The following CSMD1 variants were observed in gnomAD, a reference collection of about 807,000 sequenced individuals.
CSMD1 encodes CUB and sushi domain-containing protein 1.
Under a neutral mutation model 417.5 loss-of-function variants are expected in CSMD1, and 213 were observed. That is an observed-to-expected ratio of 0.51 (90% CI 0.46 to 0.57). CSMD1 has a LOEUF of 0.57. Among genes scored for constraint, CSMD1 ranks in the 20% least tolerant of loss-of-function variants. CSMD1 has a pLI of 0.00. For missense variants in CSMD1, 6,923 were observed against 4,529.7 expected, an observed-to-expected ratio of 1.53 and a Z score of -15.17; for synonymous variants, 2,862 against 1,736.8, an observed-to-expected ratio of 1.65 and a Z score of -16.11.
At chr8:3,247,095 A>G (rs1385126368) in intron 26 of CSMD1, among the ~76,000 whole-genome samples, 1 of 152,198 alleles carries the variant, frequency 6.6e-6, no homozygotes, top group South Asian at 2.1e-4. Context: ...AAATATGGTG[A>G]GAAGCTGCCT....
intron 1 of CSMD1, among the ~76,000 whole-genome samples, chr8:4,640,814 G>C (rs1803142338): frequency 7.0e-6 from 1 of 143,490 alleles, no homozygotes; most frequent in Non-Finnish European, 1.5e-5. Context: ...TAATGTTTTA[G>C]TTAAAATTAA....
chr8:4,163,542 C>T (rs1203580833), intron 3 of CSMD1, among the ~76,000 whole-genome samples: 5 of 152,128 alleles, frequency 3.3e-5, no homozygotes, highest in Admixed American at 1.3e-4. Context: ...TTAGGTAAAG[C>T]TACAGCATCA....
chr8:3,896,447 C>A (rs1807371483), intron 5 of CSMD1, among the ~76,000 whole-genome samples: 1 of 152,078 alleles, frequency 6.6e-6, no homozygotes, highest in South Asian at 2.1e-4. Flanking sequence ...ACGTTGAACA[C>A]TTGGGAGAGA....
At position 4,569,699 on chromosome 8, in the gene CSMD1, G is replaced by T. The variant is rs186289436; in HGVS notation, c.302+67643C>A. Among the ~76,000 whole-genome samples, 5 of 152,226 alleles carry T rather than the reference G, an allele frequency of 3.3e-5. No homozygotes were observed. The East Asian group carries it at 9.7e-4, about 29-fold the overall frequency. On this transcript the variant is annotated intron_variant, in intron 2 of 69. Coordinates refer to ENST00000635120, the MANE Select transcript of CSMD1 (RefSeq NM_033225.6). Reference sequence around the variant, plus strand: ...AACAAAGTCAATGGTAGCTTGATGGGAATAGCATTGAATCTATATATTACT... The same window carrying T: ...AACAAAGTCAATGGTAGCTTGATGGTAATAGCATTGAATCTATATATTACT...
At chr8:3,624,802 C>T (rs893527810) in intron 7 of CSMD1, among the ~76,000 whole-genome samples, 1 of 152,162 alleles carries the variant, frequency 6.6e-6, no homozygotes, top group Non-Finnish European at 1.5e-5. Context: ...CTTTTTACTT[C>T]AGCATTTTGT....
intron 3 of CSMD1, among the ~76,000 whole-genome samples, chr8:4,308,421 GA>G (rs35876460): frequency 0.13 from 20,408 of 152,002 alleles, 2,289 homozygotes; most frequent in African/African-American, 0.31. Flanking sequence ...GTGTTATGTG[GA>G]AAGTCTGATG....
chr8:4,279,516 A>G (rs1033319446), intron 3 of CSMD1, among the ~76,000 whole-genome samples: 2 of 152,172 alleles, frequency 1.3e-5, no homozygotes, highest in African/African-American at 4.8e-5. Context: ...CTCAATGTCA[A>G]TACAGTGTGG....
intron 2 of CSMD1, among the ~76,000 whole-genome samples, chr8:4,510,235 C>T (rs1442955392): frequency 1.3e-5 from 2 of 151,870 alleles, no homozygotes; most frequent in Non-Finnish European, 2.9e-5. Context: ...AACTGTGAGT[C>T]AATTAAACCT....
intron 5 of CSMD1, among the ~76,000 whole-genome samples, chr8:3,911,843 CAA>C (rs2129139655): frequency 6.6e-6 from 1 of 152,264 alleles, no homozygotes; most frequent in South Asian, 2.1e-4. Flanking sequence ...CTGCCACAAA[CAA>C]AAGATTCTCC....
intron 21 of CSMD1, among the ~76,000 whole-genome samples, chr8:3,352,318 G>T (rs2584225): frequency 6.6e-6 from 1 of 152,166 alleles, no homozygotes; most frequent in South Asian, 2.1e-4. Context: ...CCCTAAAACA[G>T]TTGAATTTTA....
intron 3 of CSMD1, among the ~76,000 whole-genome samples, chr8:4,207,216 T>C (rs1563273542): frequency 6.6e-6 from 1 of 152,194 alleles, no homozygotes. Flanking sequence ...ATGTGAAAAG[T>C]TGTATAACAT....
chr8:4,326,603 G>A (rs978900619), intron 3 of CSMD1, among the ~76,000 whole-genome samples: 1 of 152,180 alleles, frequency 6.6e-6, no homozygotes, highest in Non-Finnish European at 1.5e-5. Flanking sequence ...CTCCTACGGA[G>A]AAAACAGTAA....
At chr8:3,310,659 C>G (rs1805261667) in intron 23 of CSMD1, among the ~76,000 whole-genome samples, 1 of 152,158 alleles carries the variant, frequency 6.6e-6, no homozygotes, top group African/African-American at 2.4e-5. Context: ...ATCAGTACCA[C>G]TGGAACAGGA....
At chr8:3,211,104 A>T (rs1299578013) in intron 30 of CSMD1, among the ~76,000 whole-genome samples, 1 of 152,094 alleles carries the variant, frequency 6.6e-6, no homozygotes, top group African/African-American at 2.4e-5. Flanking sequence ...GAGTGCAGTG[A>T]TCCAGTCACG....
At chr8:4,338,116 T>C (rs1026061688) in intron 3 of CSMD1, among the ~76,000 whole-genome samples, 4 of 152,136 alleles carry the variant, frequency 2.6e-5, no homozygotes, top group African/African-American at 7.2e-5. Context: ...GTACAATTAA[T>C]TTGAGAATTA....
intron 4 of CSMD1, among the ~76,000 whole-genome samples, chr8:4,029,507 T>C (rs533990904): frequency 1.9e-4 from 29 of 152,248 alleles, no homozygotes; most frequent in Admixed American, 1.6e-3. Context: ...GAGAGACTTA[T>C]TCACTATCAC....
At chr8:4,204,633 G>A (rs972423103) in intron 3 of CSMD1, among the ~76,000 whole-genome samples, 1 of 152,084 alleles carries the variant, frequency 6.6e-6, no homozygotes, top group Non-Finnish European at 1.5e-5. Flanking sequence ...TAGGCAACAA[G>A]CCTAAATTAT....
chr8:3,395,614 T>A (rs143285773), intron 17 of CSMD1, among the ~76,000 whole-genome samples: 22 of 152,360 alleles, frequency 1.4e-4, no homozygotes, highest in African/African-American at 5.3e-4. Context: ...GACAATTGTT[T>A]TAAAATATGT....
chr8:4,855,062 G>A (rs1299609517), intron 1 of CSMD1, among the ~76,000 whole-genome samples: 2 of 152,122 alleles, frequency 1.3e-5, no homozygotes, highest in East Asian at 3.9e-4. Context: ...AGCAGCTGGA[G>A]ATCTGAGAAC....
Sources: allele counts gnomAD v4.1 joint callset (sites outside exome capture counted in the v4.1 genomes callset), GRCh38; gene constraint gnomAD v4.1.1; transcripts MANE v1.5; gene names NCBI Gene and HGNC (gene_info 2026-07-23, HGNC 2026-07-21).